The following DUSP8 variants were observed in gnomAD, a reference collection of about 807,000 sequenced individuals.
The protein encoded by DUSP8 is dual specificity protein phosphatase 8.
A neutral mutation model predicts 38.7 loss-of-function variants in DUSP8; 15 were observed. That is an observed-to-expected ratio of 0.39 (90% confidence interval 0.26 to 0.60). The LOEUF is 0.60. Ranked by LOEUF, DUSP8 falls within the 20% of genes least tolerant of loss-of-function variation. The pLI, the probability that DUSP8 is intolerant of heterozygous loss-of-function variation, is 0.56. For missense variants in DUSP8, 768 were observed against 915.0 expected (o/e 0.84, Z 2.07); for synonymous variants, 458 against 433.9 (o/e 1.06, Z -0.69).
intron 1 of DUSP8, among the ~76,000 whole-genome samples, chr11:1,567,262 C>A (rs930365245): frequency 3.9e-5 from 6 of 152,194 alleles, no homozygotes; most frequent in Non-Finnish European, 8.8e-5. Context: ...GGGTAGCGGG[C>A]CCTCAGCAAG....
At chr11:1,560,232 C>T (rs1177181954) in intron 3 of DUSP8, among the ~76,000 whole-genome samples, 1 of 152,122 alleles carries the variant, frequency 6.6e-6, no homozygotes, top group Admixed American at 6.5e-5. Context: ...TTGGACGGGG[C>T]AGGGGAGTGA....
chr11:1,557,316 C>A lies in DUSP8; in HGVS notation c.1080G>T (p.Ala360=), dbSNP rs765416750. The change falls in exon 7 of 7, where the codon GCG becomes GCT. Residue 360 remains alanine (A), a synonymous_variant. Transcript: ENST00000397374. The surrounding 1 kb of genome is among the most constrained non-coding windows in gnomAD (Gnocchi z 9.9). The part of the protein sequence containing the change: ...GGLSAGGEPP[A]PPTPPATSAL... ...CGCTGGTCGCCGGGGGCGTGGGGGGCGCGGGGGGCTCCCCGCCCGCGCTCA... is the reference window on the plus strand; with the variant it reads ...CGCTGGTCGCCGGGGGCGTGGGGGGAGCGGGGGGCTCCCCGCCCGCGCTCA... 13 of 1,487,196 alleles carry A rather than the reference C, an allele frequency of 8.7e-6. No homozygotes were observed. Among genetic ancestry groups the A allele is most frequent in the Admixed American group, 5.0e-5 (2 of 40,110 alleles). 92.1% of individuals were successfully genotyped at this position (1,487,196 alleles called of 1,614,324 possible).
intron 1 of DUSP8, among the ~76,000 whole-genome samples, chr11:1,568,253 G>A (rs1467118609): frequency 6.6e-6 from 1 of 152,136 alleles, no homozygotes; most frequent in African/African-American, 2.4e-5. Context: ...CCAGGGCCTA[G>A]CCTTCATGCA....
chr11:1,558,973 C>T lies in DUSP8; in HGVS notation c.453G>A (p.Gln151=), dbSNP rs147957146. 1,197 of 1,608,306 alleles carry T rather than the reference C, an allele frequency of 7.4e-4. No individual in the cohort carries two copies. The highest frequency in any genetic ancestry group is 9.7e-4 in the Non-Finnish European group (1,140 of 1,178,242). The change falls in exon 4 of 7, where the codon CAG becomes CAA. Residue 151 remains glutamine (Q), a synonymous_variant. Coordinates refer to ENST00000397374, the MANE Select transcript of DUSP8 (RefSeq NM_004420.3). The surrounding 1 kb of genome is among the most constrained non-coding windows in gnomAD (Gnocchi z 6.3). ...PAALLPMSLS[Q]PCLPVPSVGL... ...CCACGCTGGGCACAGGCAGGCAGGG[C>T]TGGGAGAGGCTCATGGGTAGCAGGG...
At chr11:1,562,784 C>G (rs1228857451) in intron 3 of DUSP8, among the ~76,000 whole-genome samples, 2 of 152,202 alleles carry the variant, frequency 1.3e-5, no homozygotes, top group African/African-American at 4.8e-5. Context: ...CACAGACGCA[C>G]AGACACCCTC....
At chr11:1,565,529 GAGCTGAGGGCCCCTT>G in intron 2 of DUSP8, 52 bp downstream of exon 2, 1 of 1,300,042 alleles carries the variant, frequency 7.7e-7, no homozygotes, top group East Asian at 2.5e-5. Flanking sequence ...GGTGCTGCCC[GAGCTGAGGGCCCCTT>G]AGCTGTGGAC....
chr11:1,560,157 C>A (rs1379606165), intron 3 of DUSP8, among the ~76,000 whole-genome samples: 1 of 152,134 alleles, frequency 6.6e-6, no homozygotes, highest in Non-Finnish European at 1.5e-5. Flanking sequence ...CATAAGCCCC[C>A]ATGGCAAGCC....
chr11:1,566,696 C>T (rs913039493), intron 1 of DUSP8, among the ~76,000 whole-genome samples: 3 of 152,192 alleles, frequency 2.0e-5, no homozygotes, highest in South Asian at 2.1e-4. Context: ...TCTCCCCTAG[C>T]GGAGCCTGGG....
chr11:1,563,951 G>A lies in DUSP8; in HGVS notation c.270C>T (p.Asp90=). ...GCACGCTGGCGTCCCGCGTGCTCTG[G>A]TCATAGACCACCACGTCCTGTGGCT... ...ATEPQDVVVY[D]QSTRDASVLA... The change falls in exon 3 of 7, where the codon GAC becomes GAT. Residue 90 remains aspartate (D), a synonymous_variant. Coordinates refer to ENST00000397374, the MANE Select transcript of DUSP8 (RefSeq NM_004420.3). The A allele has an allele frequency of 6.5e-7, 1 of 1,529,138 alleles. No individual in the cohort carries two copies. The highest frequency in any genetic ancestry group is 8.8e-7 in the Non-Finnish European group (1 of 1,133,212). 94.7% of individuals were successfully genotyped at this position (1,529,138 alleles called of 1,614,324 possible). A position where few individuals can be genotyped will look rare whatever the true frequency, so the allele number is the denominator to read the frequency against.
Position 1,558,910 on chromosome 11 carries a change from C to T in DUSP8, c.516G>A (p.Ser172=), listed in dbSNP as rs144896247. Residue 172 remains serine, a synonymous_variant, in exon 4 of 7, where the codon TCG becomes TCA. Coordinates refer to ENST00000397374, the MANE Select transcript of DUSP8 (RefSeq NM_004420.3). This position sits in a 1 kb window ranked among gnomAD's most constrained non-coding sequence, Gnocchi z 6.3. ...TRILPHLYLG[S]QKDVLNKDLM... The stretch of plus-strand genomic sequence containing the variant: ...ACACCTTGTTTAGGACGTCCTTCTG[C>T]GAGCCCAGGTAGAGGTGAGGCAGGA... 57 of 1,610,572 alleles carry T rather than the reference C, an allele frequency of 3.5e-5. No homozygotes were observed. The highest frequency in any genetic ancestry group is 1.8e-4 in the Middle Eastern group (1 of 5,574).
chr11:1,557,334 C>T lies in DUSP8; in HGVS notation c.1062G>A (p.Ala354=), dbSNP rs755998260. ...TGGGGGGCGCGGGGGGCTCCCCGCCCGCGCTCAGGCCGCCCTCCCTGGCAG... is the reference window on the plus strand; with the variant it reads ...TGGGGGGCGCGGGGGGCTCCCCGCCTGCGCTCAGGCCGCCCTCCCTGGCAG... ...NAAAREGGLS[A]GGEPPAPPTP... Residue 354 remains alanine, a synonymous_variant, in exon 7 of 7, where the codon GCG becomes GCA. Coordinates refer to ENST00000397374, the MANE Select transcript of DUSP8 (RefSeq NM_004420.3). The surrounding 1 kb of genome is among the most constrained non-coding windows in gnomAD (Gnocchi z 9.9). 17 of 1,524,190 alleles carry T rather than the reference C, an allele frequency of 1.1e-5. No individual in the cohort carries two copies. The highest frequency in any genetic ancestry group is 1.4e-5 in the African/African-American group (1 of 69,458). 94.4% of individuals were successfully genotyped at this position (1,524,190 alleles called of 1,614,324 possible). A position where few individuals can be genotyped will look rare whatever the true frequency, so the allele number is the denominator to read the frequency against.
In DUSP8 at chr11:1,565,583, GTGGGC is replaced by G; in HGVS notation, c.231+8_231+12del. ...GGACGTGATGCATGCCTGGTGGGCA[GTGGGC>G]TGGGTACCTGGCTGCGTGCAGCCGG... On this transcript the variant is annotated splice_region_variant and intron_variant, in intron 2 of 6. Coordinates refer to ENST00000397374, the MANE Select transcript of DUSP8 (RefSeq NM_004420.3). The G allele has an allele frequency of 6.3e-7, 1 of 1,590,090 alleles. No individual in the cohort carries two copies. The highest frequency in any genetic ancestry group is 2.3e-5 in the East Asian group (1 of 44,120).
At chr11:1,561,104 TG>T (rs757225682) in intron 3 of DUSP8, among the ~76,000 whole-genome samples, 2 of 152,070 alleles carry the variant, frequency 1.3e-5, no homozygotes, top group Non-Finnish European at 2.9e-5. Flanking sequence ...ACCCAGGCTC[TG>T]GGGGTGAGTG....
In DUSP8 at chr11:1,572,145, G is replaced by T. The variant is rs1848913141; in HGVS notation, c.-353C>A. On this transcript the variant is annotated 5_prime_UTR_variant, in exon 1 of 7. Coordinates refer to ENST00000397374, the MANE Select transcript of DUSP8 (RefSeq NM_004420.3). The surrounding 1 kb of genome is among the most constrained non-coding windows in gnomAD (Gnocchi z 4.7). ...TCGCGGCGCGCATCCCAGCCCCGCG[G>T]CTCGGCGGGCGCGGCCGGGAGGTTC... Among the ~76,000 whole-genome samples the T allele has an allele frequency of 6.9e-6, 1 of 145,610 alleles. No homozygotes were observed. The highest frequency in any genetic ancestry group is 1.5e-5 in the Non-Finnish European group (1 of 65,674).
intron 3 of DUSP8, 38 bp from the exon 4 acceptor site, chr11:1,559,093 C>T (rs959567776): frequency 6.3e-7 from 1 of 1,588,752 alleles, no homozygotes; most frequent in Non-Finnish European, 8.5e-7. Context: ...TGAGAGAACA[C>T]CTAGGGCTCC....
chr11:1,564,320 G>A (rs546141807), intron 2 of DUSP8, among the ~76,000 whole-genome samples: 1 of 152,332 alleles, frequency 6.6e-6, no homozygotes, highest in African/African-American at 2.4e-5. Flanking sequence ...ACACAGGTGA[G>A]TGCGATGGGA....
rs1427717291 is a variant in DUSP8 at position 1,554,318 on chromosome 11, GGA to G, written c.*2198_*2199del. On this transcript the variant is annotated 3_prime_UTR_variant, in exon 7 of 7. Coordinates refer to ENST00000397374, the MANE Select transcript of DUSP8 (RefSeq NM_004420.3). ...GGTGGGAGGGGCCGGAGAGAGGCTT[GGA>G]GAGGACTCAGGGCTGGGTCAGGTGA... The G allele has an allele frequency of 1.3e-5, 2 of 152,414 alleles. No individual in the cohort carries two copies. The highest frequency in any genetic ancestry group is 2.9e-5 in the Non-Finnish European group (2 of 68,220). The allele number at this position is 152,414 out of a possible 1,614,324, so 9.4% of individuals were successfully genotyped here. A position where few individuals can be genotyped will look rare whatever the true frequency, so the allele number is the denominator to read the frequency against.
Position 1,554,051 on chromosome 11 carries a change from G to C in DUSP8, c.*2467C>G, listed in dbSNP as rs912770306. On this transcript the variant is annotated 3_prime_UTR_variant, in exon 7 of 7. Transcript: ENST00000397374. Reference sequence around the variant, plus strand: ...GAAGGAAGAGGCGCGGAGTCGTGGGGAAAACATCCACTTTAAGCTTTATTA... The same window carrying C: ...GAAGGAAGAGGCGCGGAGTCGTGGGCAAAACATCCACTTTAAGCTTTATTA... 1 of 152,484 alleles carries C rather than the reference G, an allele frequency of 6.6e-6. No individual in the cohort carries two copies. The highest frequency in any genetic ancestry group is 1.5e-5 in the Non-Finnish European group (1 of 68,116). The allele number at this position is 152,484 out of a possible 1,614,324, so 9.4% of individuals were successfully genotyped here. A position where few individuals can be genotyped will look rare whatever the true frequency, so the allele number is the denominator to read the frequency against.
Position 1,554,910 on chromosome 11 carries a change from G to A in DUSP8, c.*1608C>T. 1 of 984,648 alleles carries A rather than the reference G, an allele frequency of 1.0e-6. No homozygotes were observed. Among genetic ancestry groups the A allele is most frequent in the African/African-American group, 1.7e-5 (1 of 57,348 alleles). 61.0% of individuals were successfully genotyped at this position (984,648 alleles called of 1,614,324 possible). A position where few individuals can be genotyped will look rare whatever the true frequency, so the allele number is the denominator to read the frequency against. On this transcript the variant is annotated 3_prime_UTR_variant, in exon 7 of 7. Transcript: ENST00000397374. ...GAGTGGGTGGGGACAGAGGGAACGG[G>A]AACAGGACTTTTGCTGAAAGGAGGG...
Sources: gnomAD v4.1 joint callset for allele counts (sites outside exome capture counted in the v4.1 genomes callset) on GRCh38, gnomAD v4.1.1 for gene constraint, Gnocchi (gnomAD v3.1) non-coding constraint, MANE v1.5 for transcripts, NCBI Gene and HGNC (gene_info 2026-07-23, HGNC 2026-07-21) for gene names.